Variants in ZFC3H1 observed in about 807,000 individuals in gnomAD.
The protein encoded by ZFC3H1 is zinc finger C3H1-type containing.
ZFC3H1 carries 71 observed loss-of-function variants against 243.7 expected under a neutral mutation model. The ratio of observed to expected loss-of-function variants is 0.29; its 90% confidence interval spans 0.24 to 0.36. ZFC3H1 has a LOEUF of 0.36. ZFC3H1 is among the 10% of genes least tolerant of loss of function. The pLI, the probability that ZFC3H1 is intolerant of heterozygous loss-of-function variation, is 1.00. For missense variants in ZFC3H1, 1,966 were observed against 2,317.1 expected (o/e 0.85, Z 3.11); for synonymous variants, 838 against 813.0 (o/e 1.03, Z -0.52).
Position 71,640,697 on chromosome 12 carries a change from C to A in ZFC3H1, c.1627+1739G>T, listed in dbSNP as rs1880579210. On this transcript the variant is annotated intron_variant, in intron 6 of 34. Coordinates refer to ENST00000378743, the MANE Select transcript of ZFC3H1 (RefSeq NM_144982.5). ...TGGTGGCACTGTGTGCTCCAGCTGG[C>A]CAGGGGCAGCTGCCGGGACCACCCC... Among the ~76,000 whole-genome samples, 2 of 152,166 alleles carry A rather than the reference C, an allele frequency of 1.3e-5. 1 individual carries two copies. Among genetic ancestry groups the A allele is most frequent in the South Asian group, 4.1e-4 (2 of 4,828 alleles).
intron 31 of ZFC3H1, 37 bp downstream of exon 31, chr12:71,613,298 T>C (rs1261221658): frequency 2.0e-6 from 3 of 1,490,074 alleles, no homozygotes; most frequent in South Asian, 2.4e-5. Flanking sequence ...CCTATTCCAT[T>C]AGGCAGAGGA....
At chr12:71,616,750 T>C (rs2137516655) in intron 27 of ZFC3H1, among the ~76,000 whole-genome samples, 1 of 152,292 alleles carries the variant, frequency 6.6e-6, no homozygotes. Flanking sequence ...TTAGACGGGC[T>C]GTATGGGGGG....
chr12:71,624,465 T>C (rs543918328), intron 22 of ZFC3H1, among the ~76,000 whole-genome samples, 173 bp from the exon 23 acceptor site: 1 of 152,342 alleles, frequency 6.6e-6, no homozygotes, highest in African/African-American at 2.4e-5. Flanking sequence ...AGACTCCCTC[T>C]TCTATCACAT....
At chr12:71,635,742 C>T (rs1565816620) in intron 9 of ZFC3H1, among the ~76,000 whole-genome samples, 162 bp from the exon 10 acceptor site, 1 of 152,120 alleles carries the variant, frequency 6.6e-6, no homozygotes, top group Non-Finnish European at 1.5e-5. Flanking sequence ...GGTTATATGA[C>T]TGAGACATAA....
At chr12:71,650,266 T>C (rs1203232018) in intron 2 of ZFC3H1, among the ~76,000 whole-genome samples, 1 of 151,836 alleles carries the variant, frequency 6.6e-6, no homozygotes, top group Non-Finnish European at 1.5e-5. Context: ...ACAGAGCGAG[T>C]CCGTCTCAAA....
chr12:71,617,220 T>G (rs1244238333), intron 27 of ZFC3H1, among the ~76,000 whole-genome samples: 1 of 152,214 alleles, frequency 6.6e-6, no homozygotes, highest in Admixed American at 6.5e-5. Context: ...TTTAAAAAAC[T>G]TATATCAATA....
chr12:71,610,947 T>C (rs1230061814), intron 33 of ZFC3H1, 111 bp downstream of exon 33: 1 of 1,509,684 alleles, frequency 6.6e-7, no homozygotes, highest in African/African-American at 1.4e-5. Context: ...TGGTTCTTAG[T>C]GTGCATGAAA....
At chr12:71,635,156 A>G (rs893407248) in intron 10 of ZFC3H1, among the ~76,000 whole-genome samples, 2 of 152,132 alleles carry the variant, frequency 1.3e-5, no homozygotes, top group Non-Finnish European at 2.9e-5. Context: ...CAACTCTAAA[A>G]CAACAGTCTC....
chr12:71,636,364 T>C lies in ZFC3H1; in HGVS notation c.2100+126A>G, dbSNP rs991832661. The C allele has an allele frequency of 4.1e-5, 27 of 664,318 alleles. No homozygotes were observed. In the South Asian group the frequency reaches 1.3e-3, roughly 33 times the overall value. The allele number at this position is 664,318 out of a possible 1,614,324, so 41.2% of individuals were successfully genotyped here. ...TAAATTAAAAATAAATTTTAAAAATTTGTATTTATATGTGAATATATGTGT... is the reference window on the plus strand; with the variant it reads ...TAAATTAAAAATAAATTTTAAAAATCTGTATTTATATGTGAATATATGTGT... On this transcript the variant is annotated intron_variant, in intron 9 of 34. Coordinates refer to ENST00000378743, the MANE Select transcript of ZFC3H1 (RefSeq NM_144982.5).
At chr12:71,641,262 T>C (rs2137545096) in intron 6 of ZFC3H1, among the ~76,000 whole-genome samples, 1 of 152,298 alleles carries the variant, frequency 6.6e-6, no homozygotes, top group Non-Finnish European at 1.5e-5. Flanking sequence ...TTAAATTGTG[T>C]TATCAAAACA....
At position 71,637,136 on chromosome 12, in the gene ZFC3H1, T is replaced by C. The variant is rs960452664; in HGVS notation, c.1726-77A>G. 26 of 1,206,264 alleles carry C rather than the reference T, an allele frequency of 2.2e-5. No individual in the cohort carries two copies. The African/African-American group carries it at 2.6e-4, about 12-fold the overall frequency. The allele number at this position is 1,206,264 out of a possible 1,614,324, so 74.7% of individuals were successfully genotyped here. On this transcript the variant is annotated intron_variant, in intron 7 of 34. Transcript: ENST00000378743. ...GCTTCTCTCTGCAGCAATATTAAACTAGAAAAAAATAAACTTTACATTATT... is the reference window on the plus strand; with the variant it reads ...GCTTCTCTCTGCAGCAATATTAAACCAGAAAAAAATAAACTTTACATTATT...
chr12:71,611,676 A>AT (rs1555178411), intron 32 of ZFC3H1, 110 bp downstream of exon 32: 10,788 of 110,346 alleles, frequency 0.098, 512 homozygotes, highest in Non-Finnish European at 0.11. Flanking sequence ...AAAAAAAAAA[A>AT]ATATATATAT....
intron 2 of ZFC3H1, among the ~76,000 whole-genome samples, chr12:71,649,092 A>G (rs1251492382): frequency 1.9e-5 from 1 of 53,774 alleles, no homozygotes; most frequent in Non-Finnish European, 3.2e-5. Context: ...CTCTTGTCTC[A>G]AAAAAAAAAA....
intron 27 of ZFC3H1, among the ~76,000 whole-genome samples, chr12:71,617,559 A>G (rs1879921438): frequency 6.6e-6 from 1 of 152,230 alleles, no homozygotes; most frequent in South Asian, 2.1e-4. Flanking sequence ...CAAGGCAGAA[A>G]TTGGTAGCAT....
At chr12:71,649,091 C>CAAAAAAAAAAA (rs35231608) in intron 2 of ZFC3H1, among the ~76,000 whole-genome samples, 5 of 89,796 alleles carry the variant, frequency 5.6e-5, no homozygotes, top group Admixed American at 1.2e-4. Flanking sequence ...ACTCTTGTCT[C>CAAAAAAAAAAA]AAAAAAAAAA....
rs1879722402 is a variant in ZFC3H1 at position 71,609,757 on chromosome 12, T to G, written c.*671A>C. ...TTACAAAAAAATTGCACATAATATT[T>G]GACCACTCTTAGGTTCTGATGCACT... On this transcript the variant is annotated 3_prime_UTR_variant, in exon 35 of 35. Transcript: ENST00000378743. 1 of 152,620 alleles carries G rather than the reference T, an allele frequency of 6.6e-6. No homozygotes were observed. The highest frequency in any genetic ancestry group is 6.5e-5 in the Admixed American group (1 of 15,268). 9.5% of individuals were successfully genotyped at this position (152,620 alleles called of 1,614,324 possible).
intron 9 of ZFC3H1, among the ~76,000 whole-genome samples, chr12:71,636,197 G>T (rs1288034396): frequency 6.6e-6 from 1 of 152,038 alleles, no homozygotes; most frequent in Non-Finnish European, 1.5e-5. Flanking sequence ...AAATCTGAAT[G>T]AGCCCATTTC....
chr12:71,660,241 T>G (rs1881130553), intron 1 of ZFC3H1: 1 of 152,224 alleles, frequency 6.6e-6, no homozygotes, highest in African/African-American at 2.4e-5. Flanking sequence ...AACCTTGATA[T>G]TAAATAAATT....
At position 71,663,492 on chromosome 12, in the gene ZFC3H1, C is replaced by T. The variant is rs368692152; in HGVS notation, c.119G>A (p.Ser40Asn). The stretch of plus-strand genomic sequence containing the variant: ...CCCGCCGCCGCTGCTGCTGCTGCTG[C>T]TCCGACTCCGTATCTGGCTGTTATT... ...DDNNSQIRSRSSSSSSGGGLL... is the reference protein window; with the variant it reads ...DDNNSQIRSRNSSSSSGGGLL... The change falls in exon 1 of 35, where the codon AGC becomes AAC. Residue 40 changes from serine to asparagine, a missense_variant. Ser to Asn is a conservative substitution (Grantham distance 46). This residue lies in a region of ZFC3H1 where 484 missense variants were observed against 449.7 expected (regional missense o/e 1.08). Transcript: ENST00000378743. 3 of 1,613,382 alleles carry T rather than the reference C, an allele frequency of 1.9e-6. No homozygotes were observed. The South Asian group carries it at 3.3e-5, about 18-fold the overall frequency.
Sources: allele counts gnomAD v4.1 joint callset (sites outside exome capture counted in the v4.1 genomes callset), GRCh38; gene constraint gnomAD v4.1.1; regional missense constraint gnomAD v4.1.1; transcripts MANE v1.5; gene names NCBI Gene and HGNC (gene_info 2026-07-23, HGNC 2026-07-21).